MED14: variants seen among roughly 807,000 people sequenced by gnomAD.
MED14 encodes mediator of RNA polymerase II transcription subunit 14.
In MED14, 8 loss-of-function variants were observed where a neutral mutation model predicts 109.0. The ratio of observed to expected loss-of-function variants is 0.07; its 90% CI spans 0.04 to 0.13. The LOEUF (loss-of-function observed/expected upper bound fraction) is 0.13, where lower values mean the gene tolerates loss of function less well. Ranked by LOEUF, MED14 falls within the 10% of genes least tolerant of loss-of-function variation. MED14 has a pLI of 1.00. For missense variants in MED14, 711 were observed against 1,142.4 expected (o/e 0.62, Z 5.44); for synonymous variants, 399 against 408.7 (o/e 0.98, Z 0.29).
chrX:40,696,315 T>C, intron 13 of MED14, among the ~76,000 whole-genome samples: 1 of 109,005 alleles, frequency 9.2e-6, no homozygotes, highest in Non-Finnish European at 1.9e-5. Context: ...TTTGTTTTTG[T>C]ATTTTTAGTA....
chrX:40,711,820 A>T (rs1232210248), intron 7 of MED14, among the ~76,000 whole-genome samples: 2 of 107,204 alleles, frequency 1.9e-5, no homozygotes, highest in Non-Finnish European at 3.9e-5. Context: ...TAGTAGAGAC[A>T]GGGTTTCACC....
intron 23 of MED14, among the ~76,000 whole-genome samples, chrX:40,667,322 T>A (rs931631685): frequency 1.8e-5 from 2 of 111,756 alleles, no homozygotes; most frequent in African/African-American, 3.3e-5. Flanking sequence ...TTGTTCCTTA[T>A]ATACAGCAAT....
intron 4 of MED14, among the ~76,000 whole-genome samples, chrX:40,714,157 A>C (rs1427856073): frequency 8.9e-6 from 1 of 111,840 alleles, no homozygotes; most frequent in Non-Finnish European, 1.9e-5. Context: ...ACTAAATATC[A>C]CTTGATAGCT....
rs1220572637 is a variant in MED14, at chrX:40,723,694, A to G, written c.348+3052T>C. Among the ~76,000 whole-genome samples, 12 of 87,682 alleles carry G rather than the reference A, an allele frequency of 1.4e-4. No homozygotes were observed. The East Asian group carries it at 1.5e-3, about 11-fold the overall frequency. The allele number at this position is 87,682 out of a possible 115,157, so 76.1% of individuals were successfully genotyped here. ...AAAAAAAAAAAAAAAAAAAAAAAAA[A>G]TACAATGGACACAAAAAATAAAAAA... On this transcript the variant is annotated intron_variant, in intron 3 of 30. Coordinates refer to ENST00000324817, the MANE Select transcript of MED14 (RefSeq NM_004229.4).
chrX:40,678,857 C>G (rs1282842844), intron 21 of MED14, among the ~76,000 whole-genome samples: 1 of 110,786 alleles, frequency 9.0e-6, no homozygotes, highest in Non-Finnish European at 1.9e-5. Context: ...GAATACTCAT[C>G]TTCCATTGTG....
intron 16 of MED14, among the ~76,000 whole-genome samples, chrX:40,685,016 C>T (rs1452397978): frequency 1.8e-5 from 2 of 112,018 alleles, no homozygotes; most frequent in Non-Finnish European, 3.8e-5. Context: ...AAAAAAGCAA[C>T]AACCCGAAAC....
At chrX:40,656,692 C>T (rs186423118) in intron 28 of MED14, among the ~76,000 whole-genome samples, 27 of 112,086 alleles carry the variant, frequency 2.4e-4, no homozygotes, top group African/African-American at 8.4e-4. Flanking sequence ...TTAATACATT[C>T]ATCTAATGAA....
chrX:40,733,821 A>G (rs1288440928), intron 1 of MED14, among the ~76,000 whole-genome samples: 5 of 111,991 alleles, frequency 4.5e-5, no homozygotes, highest in South Asian at 3.7e-4. Context: ...ATGCCCATCA[A>G]GATACTGAAA....
intron 1 of MED14, among the ~76,000 whole-genome samples, chrX:40,732,298 C>T (rs1176455466): frequency 8.9e-6 from 1 of 112,388 alleles, no homozygotes; most frequent in Non-Finnish European, 1.9e-5. Context: ...GCGGGTAGAT[C>T]ACCTGAAGTT....
chrX:40,650,963 A>C lies in MED14; in HGVS notation c.*843T>G. 1.3e-6 allele frequency: 1 copy of C among 753,225 alleles called. No individual in the cohort carries two copies. The allele number at this position is 753,225 out of a possible 1,213,427, so 62.1% of individuals were successfully genotyped here. Reference sequence around the variant, plus strand: ...GTTCCCACATCCTCAACAGATGAGAATGATTGCATTATTTGGGATCCTTGA... The same window carrying C: ...GTTCCCACATCCTCAACAGATGAGACTGATTGCATTATTTGGGATCCTTGA... On this transcript the variant is annotated 3_prime_UTR_variant, in exon 31 of 31. Coordinates refer to ENST00000324817, the MANE Select transcript of MED14 (RefSeq NM_004229.4).
intron 13 of MED14, 140 bp downstream of exon 13, chrX:40,696,884 C>T (rs1434684450): frequency 2.0e-6 from 1 of 510,576 alleles, no homozygotes; most frequent in African/African-American, 2.4e-5. Flanking sequence ...TCCTCTCTCC[C>T]CAATTCTAAA....
At chrX:40,680,480 C>T (rs1171613016) in intron 20 of MED14, among the ~76,000 whole-genome samples, 1 of 111,728 alleles carries the variant, frequency 9.0e-6, no homozygotes, top group Non-Finnish European at 1.9e-5. Flanking sequence ...TACAGTGGCA[C>T]AATCACCGCT....
intron 22 of MED14, 129 bp downstream of exon 22, chrX:40,675,092 T>A (rs1929866698): frequency 1.8e-6 from 1 of 561,066 alleles, no homozygotes; most frequent in African/African-American, 2.4e-5. Context: ...AACTCTTTAT[T>A]TCATAAGTAT....
intron 23 of MED14, among the ~76,000 whole-genome samples, chrX:40,670,543 T>C (rs1929684406): frequency 9.1e-6 from 1 of 110,442 alleles, no homozygotes; most frequent in Non-Finnish European, 1.9e-5. Flanking sequence ...GGGTGGATCA[T>C]GAGGTCAGGA....
Position 40,650,330 on chromosome X carries a change from C to G in MED14, c.*1476G>C, listed in dbSNP as rs983950036. 8.0e-6 allele frequency: 6 copies of G among 751,910 alleles called. No individual in the cohort carries two copies. In the Admixed American group the frequency reaches 4.4e-4, roughly 55 times the overall value. 62.0% of individuals were successfully genotyped at this position (751,910 alleles called of 1,213,427 possible). On this transcript the variant is annotated 3_prime_UTR_variant, in exon 31 of 31. Coordinates refer to ENST00000324817, the MANE Select transcript of MED14 (RefSeq NM_004229.4). ...GATTGAAAATGAGTGGAGAATCAAA[C>G]AAAGTTGAGAACAGATATGATATAG...
intron 26 of MED14, among the ~76,000 whole-genome samples, chrX:40,661,042 G>A (rs1296864154): frequency 2.7e-5 from 3 of 111,485 alleles, no homozygotes; most frequent in Non-Finnish European, 3.8e-5. Context: ...AGTCTCCCGA[G>A]TAGCTGGAAT....
rs1929343714 is a variant in MED14 at position 40,663,008 on chromosome X, T to C, written c.3601A>G (p.Ser1201Gly). 1 of 1,211,473 alleles carries C rather than the reference T, an allele frequency of 8.3e-7. No homozygotes were observed. Among genetic ancestry groups the C allele is most frequent in the Non-Finnish European group, 1.1e-6 (1 of 895,202 alleles). The change falls in exon 26 of 31, where the codon AGT (serine) becomes GGT (glycine). Residue 1201 changes from serine (S) to glycine (G), a missense_variant. Physicochemically the swap from Ser to Gly is moderately conservative, Grantham distance 56. Transcript: ENST00000324817. ...CTCTCAAGTGGAGAACAAAGGTAAC[T>C]ACCTGCCAGGCCGGGCACAAGGCCT... ...TPGLVPGLAGSYLCSPLERFL... is the reference protein window; with the variant it reads ...TPGLVPGLAGGYLCSPLERFL...
chrX:40,735,704 C>T (rs1432224016), upstream of MED14: 5 of 453,608 alleles, frequency 1.1e-5, no homozygotes, highest in East Asian at 1.8e-4. Flanking sequence ...GCAGCTTCGC[C>T]AGACAGCCGC....
At chrX:40,723,235 G>C (rs892186825) in intron 3 of MED14, among the ~76,000 whole-genome samples, 6 of 112,230 alleles carry the variant, frequency 5.3e-5, no homozygotes, top group Non-Finnish European at 1.1e-4. Context: ...AAAGGAGGGA[G>C]ATAAAGTTAA....
Sources: gnomAD v4.1 joint callset for allele counts (sites outside exome capture counted in the v4.1 genomes callset) on GRCh38, gnomAD v4.1.1 for gene constraint, MANE v1.5 for transcripts, NCBI Gene and HGNC (gene_info 2026-07-23, HGNC 2026-07-21) for gene names.